Variants in CCDC40 observed in about 807,000 individuals in gnomAD.
The protein encoded by CCDC40 is coiled-coil domain 40 molecular ruler complex subunit, also known as coiled-coil domain-containing protein 40.
In CCDC40, 104 loss-of-function variants were observed where a neutral mutation model predicts 124.5. The observed-to-expected ratio is 0.84, with a 90% confidence interval of 0.71 to 0.98. The LOEUF is 0.98. Among genes scored for constraint, CCDC40 ranks in the 50% least tolerant of loss-of-function variants. The pLI is 0.00. For synonymous variants in CCDC40, 580 were observed against 602.9 expected, an observed-to-expected ratio of 0.96 and a Z score of 0.56; for missense variants, 1,463 against 1,503.9, an observed-to-expected ratio of 0.97 and a Z score of 0.45.
intron 17 of CCDC40, among the ~76,000 whole-genome samples, chr17:80,092,301 G>T (rs962080312): frequency 6.6e-6 from 1 of 152,114 alleles, no homozygotes; most frequent in Non-Finnish European, 1.5e-5. Flanking sequence ...CTCCCAAAGT[G>T]CTGGGATTAC....
chr17:80,049,639 C>T (rs977512378), intron 5 of CCDC40, among the ~76,000 whole-genome samples: 2 of 151,834 alleles, frequency 1.3e-5, no homozygotes, highest in Admixed American at 6.6e-5. Flanking sequence ...CTCCCCAGAC[C>T]ACTGCTCCAC....
chr17:80,056,362 G>A (rs1048348549), intron 7 of CCDC40, among the ~76,000 whole-genome samples: 1 of 152,128 alleles, frequency 6.6e-6, no homozygotes. Context: ...GCTCACGCCT[G>A]TAGTGTTGAC....
Position 80,097,336 on chromosome 17 carries a change from C to T in CCDC40, c.3113C>T (p.Ser1038Leu), listed in dbSNP as rs553780409. ...CTCCTAGAGAAGCAGGAAAAGCTGT[C>T]GGTGATTCAGGCAGACTTCGACACA... is the stretch of plus-strand genomic sequence containing the variant. ...SSLLEKQEKL[S>L]VIQADFDTLE... is the part of the protein sequence containing the mutation. The change falls in exon 19 of 20, where the codon TCG (serine) becomes TTG (leucine). Residue 1038 changes from serine to leucine, a missense_variant. Coordinates refer to ENST00000397545, the MANE Select transcript of CCDC40 (RefSeq NM_017950.4). 22 of 1,613,936 alleles carry T rather than the reference C, an allele frequency of 1.4e-5. No individual in the cohort carries two copies. The highest frequency in any genetic ancestry group is 2.2e-5 in the South Asian group (2 of 91,078).
intron 13 of CCDC40, 122 bp downstream of exon 13, chr17:80,085,110 C>T: frequency 7.8e-7 from 1 of 1,285,870 alleles, no homozygotes; most frequent in Non-Finnish European, 1.1e-6. Flanking sequence ...GCCTCTTTCC[C>T]TACCTGCTTT....
chr17:80,067,159 G>A (rs1460086033), intron 10 of CCDC40: 1 of 214,700 alleles, frequency 4.7e-6, no homozygotes, highest in African/African-American at 2.3e-5. Flanking sequence ...CCCAAGGGAA[G>A]ACGTCACCTC....
intron 9 of CCDC40, among the ~76,000 whole-genome samples, chr17:80,059,608 G>A (rs2037847607): frequency 6.7e-6 from 1 of 149,858 alleles, no homozygotes; most frequent in South Asian, 2.1e-4. Flanking sequence ...CGCCCAGGCT[G>A]GAGTGCAGTG....
chr17:80,082,781 C>T (rs989200436), intron 12 of CCDC40, among the ~76,000 whole-genome samples: 2 of 152,226 alleles, frequency 1.3e-5, no homozygotes, highest in African/African-American at 4.8e-5. Flanking sequence ...GGGCCCCCGC[C>T]GAGCCCCTGT....
In CCDC40 at chr17:80,065,514, G is replaced by A. The variant is rs1398948217; in HGVS notation, c.1470G>A (p.Val490=). Residue 490 remains valine (V), a synonymous_variant, in exon 10 of 20, where the codon GTG becomes GTA. Coordinates refer to ENST00000397545, the MANE Select transcript of CCDC40 (RefSeq NM_017950.4). ...GCACCGAGATCGACGCCATCAGCGTGGAGAAGAGGCGCATCATGCAGCAAT... is the reference window on the plus strand; with the variant it reads ...GCACCGAGATCGACGCCATCAGCGTAGAGAAGAGGCGCATCATGCAGCAAT... ...EACTEIDAIS[V]EKRRIMQQWA... 6.2e-7 allele frequency: 1 copy of A among 1,612,994 alleles called. No homozygotes were observed. The highest frequency in any genetic ancestry group is 8.5e-7 in the Non-Finnish European group (1 of 1,179,960).
At chr17:80,039,293 G>A (rs112431937) in intron 2 of CCDC40, among the ~76,000 whole-genome samples, 8,818 of 152,050 alleles carry the variant, frequency 0.058, 800 homozygotes, top group African/African-American at 0.2. Context: ...CTTGAACCCA[G>A]GAGGTGGAAG....
chr17:80,064,151 T>G (rs1254097342), intron 9 of CCDC40, among the ~76,000 whole-genome samples: 2 of 152,166 alleles, frequency 1.3e-5, no homozygotes, highest in African/African-American at 4.8e-5. Flanking sequence ...GGTTACGTCG[T>G]AATGAATAGA....
At chr17:80,044,519 A>G (rs1318659485) in intron 3 of CCDC40, among the ~76,000 whole-genome samples, 1 of 151,880 alleles carries the variant, frequency 6.6e-6, no homozygotes, top group Non-Finnish European at 1.5e-5. Flanking sequence ...CCCCATCTCT[A>G]CTAAAAATAC....
intron 10 of CCDC40, among the ~76,000 whole-genome samples, chr17:80,069,260 T>TG (rs886163166): frequency 5.0e-4 from 73 of 146,958 alleles, no homozygotes; most frequent in East Asian, 3.3e-3. Flanking sequence ...TGCTGCTGCG[T>TG]GGGGGGGGCG....
At chr17:80,055,262 T>C (rs969214667) in intron 7 of CCDC40, among the ~76,000 whole-genome samples, 2 of 152,028 alleles carry the variant, frequency 1.3e-5, no homozygotes, top group Non-Finnish European at 2.9e-5. Context: ...AAATGAGATA[T>C]GGATCTGGGA....
chr17:80,076,466 C>A (rs2038312839), intron 10 of CCDC40, among the ~76,000 whole-genome samples: 1 of 151,428 alleles, frequency 6.6e-6, no homozygotes, highest in Non-Finnish European at 1.5e-5. Context: ...CCCAGGTACT[C>A]GAGAGGCTGA....
chr17:80,095,465 G>A lies in CCDC40; in HGVS notation c.3021+14G>A. ...GACGTTCGCAAGGTAGGGAGCAGCG[G>A]AAAGGAAACAGGGCGCCTGCTCCTC... On this transcript the variant is annotated intron_variant, in intron 18 of 19. Transcript: ENST00000397545. The A allele has an allele frequency of 6.2e-7, 1 of 1,613,462 alleles. No homozygotes were observed. Among genetic ancestry groups the A allele is most frequent in the Non-Finnish European group, 8.5e-7 (1 of 1,179,510 alleles).
chr17:80,072,184 G>A lies in CCDC40; in HGVS notation c.1562+6578G>A, dbSNP rs572809223. On this transcript the variant is annotated intron_variant, in intron 10 of 19. Coordinates refer to ENST00000397545, the MANE Select transcript of CCDC40 (RefSeq NM_017950.4). ...ATTTTCAACTTACGATGGGTTTGCC[G>A]GGCTGCATCCCCACCGTAAGCTGAG... 5.9e-5 allele frequency among the ~76,000 whole-genome samples: 9 copies of A among 152,160 alleles called. No individual in the cohort carries two copies. The South Asian group carries it at 6.2e-4, about 11-fold the overall frequency.
chr17:80,052,922 C>A (rs1045332727), intron 7 of CCDC40, among the ~76,000 whole-genome samples: 1 of 152,112 alleles, frequency 6.6e-6, no homozygotes, highest in Non-Finnish European at 1.5e-5. Flanking sequence ...TAATCATCAT[C>A]CCCCCAAAAG....
In CCDC40 at chr17:80,047,411, C is replaced by T; in HGVS notation, c.676+9C>T. On this transcript the variant is annotated intron_variant, in intron 4 of 19. Coordinates refer to ENST00000397545, the MANE Select transcript of CCDC40 (RefSeq NM_017950.4). ...CGTCTCGCAGGAGCCAGGTGCCACCCACCTGCTGAGGTCACCCTGCCCTGG... is the reference window on the plus strand; with the variant it reads ...CGTCTCGCAGGAGCCAGGTGCCACCTACCTGCTGAGGTCACCCTGCCCTGG... 6.2e-7 allele frequency: 1 copy of T among 1,610,744 alleles called. No homozygotes were observed. Among genetic ancestry groups the T allele is most frequent in the Non-Finnish European group, 8.5e-7 (1 of 1,178,844 alleles).
chr17:80,072,879 G>T (rs184121157), intron 10 of CCDC40, among the ~76,000 whole-genome samples: 6 of 152,308 alleles, frequency 3.9e-5, no homozygotes, highest in African/African-American at 1.4e-4. Flanking sequence ...TGCTGTGGCT[G>T]TCCTGAAAAG....
Sources: gnomAD v4.1 joint callset for allele counts (sites outside exome capture counted in the v4.1 genomes callset) on GRCh38, gnomAD v4.1.1 for gene constraint, MANE v1.5 for transcripts, NCBI Gene and HGNC (gene_info 2026-07-23, HGNC 2026-07-21) for gene names.